Variants in COBL observed in about 807,000 individuals in gnomAD.
COBL encodes cordon-bleu WH2 repeat protein, also known as protein cordon-bleu.
In COBL, 51 loss-of-function variants were observed where a neutral mutation model predicts 98.8. That is an observed-to-expected ratio of 0.52 (90% CI 0.41 to 0.65). The LOEUF (loss-of-function observed/expected upper bound fraction) is 0.65, where lower values mean the gene tolerates loss of function less well. COBL is among the 30% of genes least tolerant of loss of function. The pLI is 0.00. For synonymous variants in COBL, 634 were observed against 651.7 expected (o/e 0.97, Z 0.41); for missense variants, 1,617 against 1,617.5 (o/e 1.00, Z 0.01).
intron 7 of COBL, among the ~76,000 whole-genome samples, chr7:51,076,661 A>G (rs1219118307): frequency 3.9e-5 from 6 of 152,210 alleles, no homozygotes; most frequent in African/African-American, 1.4e-4. Flanking sequence ...AGAATTGGAT[A>G]CTTGGTCACA....
At chr7:51,058,594 C>T (rs1361919006) in intron 7 of COBL, among the ~76,000 whole-genome samples, 1 of 128,816 alleles carries the variant, frequency 7.8e-6, no homozygotes, top group Non-Finnish European at 1.8e-5. Context: ...CAACACAACC[C>T]CCCAAAACAA....
At chr7:51,294,769 T>G (rs894535627) in intron 1 of COBL, among the ~76,000 whole-genome samples, 13 of 152,154 alleles carry the variant, frequency 8.5e-5, no homozygotes, top group African/African-American at 2.9e-4. Context: ...TATAAGCATG[T>G]TTTTATACCC....
intron 5 of COBL, among the ~76,000 whole-genome samples, chr7:51,142,634 T>C (rs956701419): frequency 6.6e-6 from 1 of 152,176 alleles, no homozygotes; most frequent in Admixed American, 6.5e-5. Context: ...TCCACCCGCC[T>C]TGGCCTCCCA....
In COBL at chr7:51,219,658, A is replaced by G. The variant is rs189017707; in HGVS notation, c.245+83T>C. ...CAGACCTGATGAGGAGGAAAATGCA[A>G]TACATCAACATCCGCCTTTCCATTC... On this transcript the variant is annotated intron_variant, in intron 2 of 12. Transcript: ENST00000265136. 51 of 1,435,750 alleles carry G rather than the reference A, an allele frequency of 3.6e-5. No homozygotes were observed. In the East Asian group the frequency reaches 1.1e-3, roughly 31 times the overall value. 88.9% of individuals were successfully genotyped at this position (1,435,750 alleles called of 1,614,324 possible).
chr7:51,302,449 T>G (rs1802063869), intron 1 of COBL, among the ~76,000 whole-genome samples: 1 of 151,840 alleles, frequency 6.6e-6, no homozygotes, highest in African/African-American at 2.4e-5. Context: ...GATGTGGTGG[T>G]GCATGCCTGT....
At chr7:51,025,751 A>G (rs2329673) in intron 11 of COBL, among the ~76,000 whole-genome samples, 140,905 of 152,212 alleles carry the variant, frequency 0.93, 65,355 homozygotes, top group Middle Eastern at 0.96. Context: ...AGACTAAGGC[A>G]GTGACACTGT....
chr7:51,193,660 G>T, intron 2 of COBL, 71 bp from the exon 3 acceptor site: 1 of 1,398,022 alleles, frequency 7.2e-7, no homozygotes, highest in Non-Finnish European at 1.0e-6. Flanking sequence ...CTAAATAAGG[G>T]TAGAACAAAT....
intron 6 of COBL, among the ~76,000 whole-genome samples, chr7:51,117,245 T>C (rs988659103): frequency 6.6e-6 from 1 of 152,060 alleles, no homozygotes; most frequent in Non-Finnish European, 1.5e-5. Context: ...ATTTGTAAAT[T>C]TTGTCTCACA....
chr7:51,207,776 G>C (rs1040191069), intron 2 of COBL, among the ~76,000 whole-genome samples: 2 of 152,214 alleles, frequency 1.3e-5, no homozygotes, highest in Non-Finnish European at 2.9e-5. Context: ...ATCTCAGCTC[G>C]CTACAACCTC....
chr7:51,300,646 G>A (rs1394149648), intron 1 of COBL, among the ~76,000 whole-genome samples: 1 of 152,162 alleles, frequency 6.6e-6, no homozygotes, highest in African/African-American at 2.4e-5. Flanking sequence ...CGCGGTCTGG[G>A]GCTCATTGTA....
In COBL at chr7:51,190,950, C is replaced by A. The variant is rs1390064927; in HGVS notation, c.585G>T (p.Val195=). 1.9e-6 allele frequency: 3 copies of A among 1,614,036 alleles called. No individual in the cohort carries two copies. The highest frequency in any genetic ancestry group is 2.5e-6 in the Non-Finnish European group (3 of 1,180,052). ...CAKCEVSPEH[V]VLLRDNIAGE... Reference sequence around the variant, plus strand: ...CGGCAATGTTGTCCCTGAGGAGAACCACGTGCTCTGGGCTGACCTCACACT... The same window carrying A: ...CGGCAATGTTGTCCCTGAGGAGAACAACGTGCTCTGGGCTGACCTCACACT... The change falls in exon 4 of 13, where the codon GTG becomes GTT. Residue 195 remains valine (V), a synonymous_variant. Coordinates refer to ENST00000265136, the MANE Select transcript of COBL (RefSeq NM_015198.5).
intron 6 of COBL, among the ~76,000 whole-genome samples, chr7:51,089,025 G>T (rs1470315139): frequency 1.3e-5 from 2 of 152,110 alleles, no homozygotes; most frequent in Admixed American, 6.5e-5. Context: ...GGCAGGCAGG[G>T]GTATGGAGAT....
intron 1 of COBL, among the ~76,000 whole-genome samples, chr7:51,233,042 G>T (rs1358083643): frequency 1.3e-5 from 2 of 152,054 alleles, no homozygotes. Flanking sequence ...TCCACAAGAG[G>T]TATAAGAGAA....
intron 7 of COBL, among the ~76,000 whole-genome samples, chr7:51,075,108 A>T (rs537916788): frequency 1.7e-4 from 26 of 152,344 alleles, no homozygotes; most frequent in Admixed American, 7.8e-4. Context: ...AATCCCATGA[A>T]TGACTTGGCT....
At chr7:51,088,348 C>CT (rs74703033) in intron 6 of COBL, among the ~76,000 whole-genome samples, 70,716 of 150,962 alleles carry the variant, frequency 0.47, 16,803 homozygotes, top group African/African-American at 0.53. Flanking sequence ...ATTTCCCCCC[C>CT]TCTTGGAAAT....
intron 1 of COBL, among the ~76,000 whole-genome samples, chr7:51,297,225 G>A (rs986268597): frequency 2.0e-5 from 3 of 152,068 alleles, no homozygotes; most frequent in South Asian, 4.2e-4. Flanking sequence ...ATCATAACAT[G>A]TATAGTCCAG....
chr7:51,156,506 T>TA lies in COBL; in HGVS notation c.784-20176dup, dbSNP rs992282593. On this transcript the variant is annotated intron_variant, in intron 5 of 12. Transcript: ENST00000265136. ...ATTGGAGGCTGTCATTCAAAGGAGT[T>TA]ACGCTCACCATATAATTACAGATCC... 3 of 984,818 alleles carry TA rather than the reference T, an allele frequency of 3.0e-6. No individual in the cohort carries two copies. In the African/African-American group the frequency reaches 5.3e-5, roughly 17 times the overall value. 61.0% of individuals were successfully genotyped at this position (984,818 alleles called of 1,614,324 possible). A position where few individuals can be genotyped will look rare whatever the true frequency, so the allele number is the denominator to read the frequency against.
chr7:51,147,753 C>CTT (rs565075669), intron 5 of COBL, among the ~76,000 whole-genome samples: 7 of 140,568 alleles, frequency 5.0e-5, no homozygotes, highest in Admixed American at 7.1e-5. Context: ...TTTTTCTTTT[C>CTT]TTTTTTTTTT....
chr7:51,302,101 T>C (rs1195896942), intron 1 of COBL, among the ~76,000 whole-genome samples: 1 of 151,822 alleles, frequency 6.6e-6, no homozygotes, highest in Non-Finnish European at 1.5e-5. Flanking sequence ...TCCTAGGAGG[T>C]GCTTACAAAC....
Sources: allele counts gnomAD v4.1 joint callset (sites outside exome capture counted in the v4.1 genomes callset), GRCh38; gene constraint gnomAD v4.1.1; transcripts MANE v1.5; gene names NCBI Gene and HGNC (gene_info 2026-07-23, HGNC 2026-07-21).